The following DDAH1 variants were observed in gnomAD, a reference collection of about 807,000 sequenced individuals.
The protein encoded by DDAH1 is N(G),N(G)-dimethylarginine dimethylaminohydrolase 1.
DDAH1 carries 19 observed loss-of-function variants against 28.8 expected under a neutral mutation model. The observed-to-expected ratio is 0.66, with a 90% CI of 0.46 to 0.97. The LOEUF is 0.97. Among genes scored for constraint, DDAH1 ranks in the 50% least tolerant of loss-of-function variants. The probability of loss-of-function intolerance (pLI) is 0.00; values close to 1 mark genes in which losing one functional copy is unlikely to be tolerated. For missense variants in DDAH1, 326 were observed against 375.9 expected, an observed-to-expected ratio of 0.87 and a Z score of 1.10; for synonymous variants, 153 against 154.4, an observed-to-expected ratio of 0.99 and a Z score of 0.07.
intron 1 of DDAH1, among the ~76,000 whole-genome samples, chr1:85,510,982 G>A (rs768487025): frequency 9.2e-5 from 14 of 152,182 alleles, no homozygotes; most frequent in Non-Finnish European, 2.1e-4. Context: ...CCTGAACTCA[G>A]CTCTGCAACA....
intron 4 of DDAH1, among the ~76,000 whole-genome samples, chr1:85,336,198 CATT>C (rs1648108913): frequency 6.6e-6 from 1 of 152,084 alleles, no homozygotes; most frequent in Non-Finnish European, 1.5e-5. Flanking sequence ...GCAGAATACA[CATT>C]CTTCTTATTA....
intron 1 of DDAH1, among the ~76,000 whole-genome samples, chr1:85,362,165 A>G (rs2100865513): frequency 6.6e-6 from 1 of 152,212 alleles, no homozygotes; most frequent in African/African-American, 2.4e-5. Context: ...ACATACATTG[A>G]GGATACATTT....
At chr1:85,536,596 A>AAC (rs1658286793) in intron 1 of DDAH1, among the ~76,000 whole-genome samples, 1 of 151,840 alleles carries the variant, frequency 6.6e-6, no homozygotes, top group African/African-American at 2.4e-5. Flanking sequence ...TGAACAAAAA[A>AAC]ACACACACAC....
intron 1 of DDAH1, among the ~76,000 whole-genome samples, chr1:85,409,768 A>C (rs1473177670): frequency 6.6e-6 from 1 of 152,150 alleles, no homozygotes; most frequent in Non-Finnish European, 1.5e-5. Context: ...ATAAGTTTTC[A>C]ACTTTATTTA....
At position 85,319,262 on chromosome 1, in the gene DDAH1, G is replaced by A. The variant is rs1661225667; in HGVS notation, c.*2190C>T. ...ATGCAATGTAGAAGAGGCACACAGA[G>A]TCTAAGTGATTTCTCCAGACAAAAG... On this transcript the variant is annotated 3_prime_UTR_variant, in exon 6 of 6. Coordinates refer to ENST00000284031, the MANE Select transcript of DDAH1 (RefSeq NM_012137.4). The A allele has an allele frequency of 6.6e-6, 1 of 152,174 alleles. No individual in the cohort carries two copies. Among genetic ancestry groups the A allele is most frequent in the African/African-American group, 2.4e-5 (1 of 41,436 alleles). The allele number at this position is 152,174 out of a possible 1,614,324, so 9.4% of individuals were successfully genotyped here.
At chr1:85,519,609 T>A (rs1263230841) in intron 1 of DDAH1, among the ~76,000 whole-genome samples, 1 of 151,878 alleles carries the variant, frequency 6.6e-6, no homozygotes, top group Non-Finnish European at 1.5e-5. Flanking sequence ...GCATGAAAAA[T>A]TTCAATAAAT....
rs112236908 is a variant in DDAH1, at chr1:85,471,058, T to C, written c.-7+25108A>G. 2.2e-3 allele frequency among the ~76,000 whole-genome samples: 332 copies of C among 151,604 alleles called. 3 individuals carry two copies. Among genetic ancestry groups the C allele is most frequent in the Non-Finnish European group, 2.8e-3 (191 of 67,862 alleles). The stretch of plus-strand genomic sequence containing the variant: ...ACTGATCTTCATGGACTTCATCACC[T>C]GCGATCCCATTTTTGTTGGTTTTGG... On this transcript the variant is annotated intron_variant, in intron 2 of 6. Coordinates refer to the DDAH1 transcript ENST00000426972.
At chr1:85,364,868 C>A (rs1271791941) in intron 1 of DDAH1, among the ~76,000 whole-genome samples, 1 of 152,020 alleles carries the variant, frequency 6.6e-6, no homozygotes, top group Non-Finnish European at 1.5e-5. Context: ...CTAAAACTAG[C>A]CAAAACTACC....
intron 4 of DDAH1, among the ~76,000 whole-genome samples, chr1:85,332,327 A>G (rs1221107606): frequency 1.3e-5 from 2 of 152,108 alleles, no homozygotes; most frequent in East Asian, 3.9e-4. Flanking sequence ...TGTACTGCAC[A>G]CTGGGGAGGG....
chr1:85,357,875 T>C (rs1261814575), intron 2 of DDAH1, among the ~76,000 whole-genome samples: 1 of 152,236 alleles, frequency 6.6e-6, no homozygotes, highest in Non-Finnish European at 1.5e-5. Context: ...AATTACTGTT[T>C]CTTTAGTAGC....
At chr1:85,469,495 T>C (rs1655542735), upstream of DDAH1, among the ~76,000 whole-genome samples, 1 of 152,250 alleles carries the variant, frequency 6.6e-6, no homozygotes, top group Non-Finnish European at 1.5e-5. Context: ...AATGTTAATA[T>C]TGCAAAGTGC....
chr1:85,425,869 G>C (rs1653371385), intron 1 of DDAH1, among the ~76,000 whole-genome samples: 1 of 152,114 alleles, frequency 6.6e-6, no homozygotes, highest in Non-Finnish European at 1.5e-5. Context: ...CTGGGCCTCA[G>C]TTTCTCTCTT....
chr1:85,460,745 C>T (rs1655089640), intron 1 of DDAH1, among the ~76,000 whole-genome samples: 1 of 152,168 alleles, frequency 6.6e-6, no homozygotes, highest in Non-Finnish European at 1.5e-5. Context: ...GTAGTTGCCT[C>T]TAAGGAGGAG....
intron 1 of DDAH1, among the ~76,000 whole-genome samples, chr1:85,575,397 G>C (rs1404134322): frequency 1.4e-4 from 22 of 152,182 alleles, no homozygotes; most frequent in Non-Finnish European, 7.3e-5. Context: ...AGTAGGGATT[G>C]CCTGAACAAT....
Position 85,400,177 on chromosome 1 carries a change from C to CT in DDAH1, c.304-41331dup, listed in dbSNP as rs61677601. ...TGCAGGAATTCCTTTCTTTTCTTTT[C>CT]TTTTTTTTTTTTTTTTTTTTTTTTT... On this transcript the variant is annotated intron_variant, in intron 1 of 5. Coordinates refer to ENST00000284031, the MANE Select transcript of DDAH1 (RefSeq NM_012137.4). 2.6e-3 allele frequency among the ~76,000 whole-genome samples: 143 copies of CT among 54,934 alleles called. 9 individuals are homozygous for CT. The highest frequency in any genetic ancestry group is 6.3e-3 in the African/African-American group (118 of 18,704). 36.0% of individuals were successfully genotyped at this position (54,934 alleles called of 152,430 possible).
At chr1:85,545,767 GGGA>G (rs778585591) in intron 1 of DDAH1, among the ~76,000 whole-genome samples, 60 of 152,262 alleles carry the variant, frequency 3.9e-4, no homozygotes, top group Non-Finnish European at 7.1e-4. Context: ...TGGAGAAGGT[GGGA>G]GGAGGAGGAG....
At chr1:85,572,987 T>C (rs1460027711) in intron 1 of DDAH1, among the ~76,000 whole-genome samples, 1 of 152,238 alleles carries the variant, frequency 6.6e-6, no homozygotes, top group Non-Finnish European at 1.5e-5. Flanking sequence ...TTCTAAAGAA[T>C]AGAAAGTATT....
At chr1:85,563,928 C>T (rs1659211096) in intron 1 of DDAH1, among the ~76,000 whole-genome samples, 1 of 152,224 alleles carries the variant, frequency 6.6e-6, no homozygotes, top group African/African-American at 2.4e-5. Context: ...AATCCCAGCA[C>T]TTTGGGAGGC....
chr1:85,359,556 T>C (rs1403913596), intron 1 of DDAH1, among the ~76,000 whole-genome samples: 1 of 152,218 alleles, frequency 6.6e-6, no homozygotes, highest in Non-Finnish European at 1.5e-5. Context: ...GGAAGGAATA[T>C]CAATAACTCG....
Sources: gnomAD v4.1 joint callset for allele counts (sites outside exome capture counted in the v4.1 genomes callset) on GRCh38, gnomAD v4.1.1 for gene constraint, MANE v1.5 for transcripts, NCBI Gene and HGNC (gene_info 2026-07-23, HGNC 2026-07-21) for gene names.